The following USP15 variants were observed in gnomAD, a reference collection of about 807,000 sequenced individuals.
USP15 encodes the protein ubiquitin carboxyl-terminal hydrolase 15.
Under a neutral mutation model 127.1 loss-of-function variants are expected in USP15, and 18 were observed. The ratio of observed to expected loss-of-function variants is 0.14; its 90% confidence interval spans 0.10 to 0.21. USP15 has a LOEUF of 0.21. Among genes scored for constraint, USP15 ranks in the 10% least tolerant of loss-of-function variants. The pLI is 1.00. For synonymous variants in USP15, 364 were observed against 393.7 expected (o/e 0.92, Z 0.89); for missense variants, 805 against 1,159.9 (o/e 0.69, Z 4.44).
At chr12:62,331,135 G>A (rs945782136) in intron 6 of USP15, among the ~76,000 whole-genome samples, 3 of 152,136 alleles carry the variant, frequency 2.0e-5, no homozygotes, top group Non-Finnish European at 2.9e-5. Flanking sequence ...GAAAATGCTA[G>A]TTCTGATATA....
At chr12:62,313,222 C>T (rs2064735634) in intron 3 of USP15, among the ~76,000 whole-genome samples, 1 of 151,500 alleles carries the variant, frequency 6.6e-6, no homozygotes, top group African/African-American at 2.4e-5. Context: ...TCATAGATCT[C>T]ACAATAACTC....
rs1268540456 is a variant in USP15, at chr12:62,384,084, G to A, written c.1255G>A (p.Ala419Thr). 6.2e-7 allele frequency: 1 copy of A among 1,612,108 alleles called. No individual in the cohort carries two copies. The highest frequency in any genetic ancestry group is 8.5e-7 in the Non-Finnish European group (1 of 1,179,114). ...GTGTCTATTATCCTTGTAGGTGGTT[G>A]CCGAAGAAGCCTGGGAAAACCATTT... ...DADGRPDKVV[A>T]EEAWENHLKR... The change falls in exon 11 of 22, where the codon GCC becomes ACC. Residue 419 changes from alanine to threonine, a missense_variant. By Grantham distance (58) the Ala-to-Thr change is moderately conservative (BLOSUM62 0). Transcript: ENST00000280377.
intron 19 of USP15, among the ~76,000 whole-genome samples, chr12:62,395,645 C>T (rs1324463184): frequency 6.6e-6 from 1 of 151,620 alleles, no homozygotes; most frequent in Admixed American, 6.6e-5. Flanking sequence ...TCTCCCCTAC[C>T]TTCCCACCAC....
At chr12:62,358,122 A>G (rs1036387041) in intron 8 of USP15, among the ~76,000 whole-genome samples, 4 of 152,046 alleles carry the variant, frequency 2.6e-5, no homozygotes, top group Non-Finnish European at 5.9e-5. Context: ...TTAAGTGATC[A>G]TTTCAGCACA....
chr12:62,382,335 T>A (rs1326912442), intron 9 of USP15, among the ~76,000 whole-genome samples: 1 of 151,976 alleles, frequency 6.6e-6, no homozygotes, highest in Non-Finnish European at 1.5e-5. Context: ...CTTTGAGAAG[T>A]TTTAAACTTG....
chr12:62,269,572 C>G (rs780398574), intron 1 of USP15, among the ~76,000 whole-genome samples: 1 of 151,918 alleles, frequency 6.6e-6, no homozygotes, highest in African/African-American at 2.4e-5. Flanking sequence ...GCAAGCACCA[C>G]TGTGTCTATT....
At chr12:62,311,676 C>G (rs575274273) in intron 3 of USP15, among the ~76,000 whole-genome samples, 1 of 151,696 alleles carries the variant, frequency 6.6e-6, no homozygotes, top group South Asian at 2.1e-4. Context: ...AAAAAAGGAG[C>G]AACTAGATGT....
chr12:62,404,503 T>G lies in USP15; in HGVS notation c.*128T>G, dbSNP rs1230527582. 3 of 1,328,024 alleles carry G rather than the reference T, an allele frequency of 2.3e-6. No individual in the cohort carries two copies. Among genetic ancestry groups the G allele is most frequent in the Non-Finnish European group, 3.0e-6 (3 of 1,014,142 alleles). The allele number at this position is 1,328,024 out of a possible 1,614,324, so 82.3% of individuals were successfully genotyped here. A position where few individuals can be genotyped will look rare whatever the true frequency, so the allele number is the denominator to read the frequency against. On this transcript the variant is annotated 3_prime_UTR_variant, in exon 22 of 22. Coordinates refer to ENST00000280377, the MANE Select transcript of USP15 (RefSeq NM_001252078.2). Reference sequence around the variant, plus strand: ...TTTCAGATAACCGAATGTAAATCCTTTATCAGATTTTAACTTGTGCAGTAC... The same window carrying G: ...TTTCAGATAACCGAATGTAAATCCTGTATCAGATTTTAACTTGTGCAGTAC...
intron 9 of USP15, 104 bp from the exon 10 acceptor site, chr12:62,383,736 A>G (rs963843478): frequency 3.0e-5 from 39 of 1,288,598 alleles, no homozygotes; most frequent in Non-Finnish European, 3.6e-5. Flanking sequence ...AAAGCAGGCA[A>G]ATTCACAAAT....
chr12:62,340,090 G>A (rs964067899), intron 6 of USP15, among the ~76,000 whole-genome samples: 1 of 152,030 alleles, frequency 6.6e-6, no homozygotes, highest in Admixed American at 6.6e-5. Flanking sequence ...TCAGGGATTC[G>A]ACTTCTTCCT....
chr12:62,276,755 G>A (rs181735869), intron 1 of USP15, among the ~76,000 whole-genome samples: 12 of 152,024 alleles, frequency 7.9e-5, no homozygotes, highest in Admixed American at 7.9e-4. Context: ...CAAGACTTAC[G>A]TAAATTTTTA....
At chr12:62,365,701 C>T (rs550983897) in intron 8 of USP15, among the ~76,000 whole-genome samples, 2 of 152,258 alleles carry the variant, frequency 1.3e-5, no homozygotes, top group African/African-American at 2.4e-5. Context: ...ACATTTAAGT[C>T]TTTAATCCAT....
intron 1 of USP15, among the ~76,000 whole-genome samples, chr12:62,289,882 A>C (rs999636292): frequency 5.3e-5 from 8 of 152,082 alleles, no homozygotes; most frequent in Non-Finnish European, 8.8e-5. Context: ...ATCGTTCAGG[A>C]ACATGTTGCT....
intron 20 of USP15, 72 bp from the exon 21 acceptor site, chr12:62,401,105 TATATAGATGA>T: frequency 1.2e-6 from 1 of 840,554 alleles, no homozygotes; most frequent in Non-Finnish European, 1.9e-6. Context: ...AGATATTCCT[TATATAGATGA>T]TTATAGAGTT....
At chr12:62,315,047 T>A in intron 4 of USP15, 131 bp downstream of exon 4, 1 of 837,838 alleles carries the variant, frequency 1.2e-6, no homozygotes, top group Non-Finnish European at 1.7e-6. Context: ...CCAGCTTTGA[T>A]ACAATGTCTT....
chr12:62,271,088 C>CT (rs1260659703), intron 1 of USP15, among the ~76,000 whole-genome samples: 1 of 151,896 alleles, frequency 6.6e-6, no homozygotes, highest in African/African-American at 2.4e-5. Flanking sequence ...GATAAGTGTG[C>CT]TAATTATCAA....
rs760580424 is a variant in USP15, at chr12:62,355,408, A to G, written c.848A>G (p.Asn283Ser). 3.1e-6 allele frequency: 5 copies of G among 1,611,550 alleles called. No homozygotes were observed. The highest frequency in any genetic ancestry group is 2.2e-5 in the South Asian group (2 of 90,854). ...GATTATTCGGAACCTGGAAGAAACAATGAACAGCCAGGCCTCTGTGGCCTA... is the reference window on the plus strand; with the variant it reads ...GATTATTCGGAACCTGGAAGAAACAGTGAACAGCCAGGCCTCTGTGGCCTA... ...NYDYSEPGRN[N>S]EQPGLCGLSN... Residue 283 changes from asparagine to serine, a missense_variant, in exon 8 of 22, where the codon AAT (asparagine) becomes AGT (serine). Asn to Ser is a conservative substitution (Grantham distance 46, BLOSUM62 1). Coordinates refer to ENST00000280377, the MANE Select transcript of USP15 (RefSeq NM_001252078.2).
At chr12:62,326,704 T>G (rs2137304038) in intron 6 of USP15, among the ~76,000 whole-genome samples, 1 of 152,330 alleles carries the variant, frequency 6.6e-6, no homozygotes, top group East Asian at 1.9e-4. Context: ...GCTTTGGAAT[T>G]TCACATGTTC....
In USP15 at chr12:62,396,305, A is replaced by G; in HGVS notation, c.2581A>G (p.Met861Val). The G allele has an allele frequency of 6.3e-7, 1 of 1,579,748 alleles. No homozygotes were observed. The highest frequency in any genetic ancestry group is 8.6e-7 in the Non-Finnish European group (1 of 1,167,196). The change falls in exon 20 of 22, where the codon ATG becomes GTG. Residue 861 changes from methionine to valine, a missense_variant. By Grantham distance (21) the Met-to-Val change is conservative. Transcript: ENST00000280377. ...LVDFPINDLD[M>V]SEFLINPNAG... ...TTCTTTTTTAAACAGTGACTTGGAT[A>G]TGTCGGAATTCTTAATTAATCCAAA...
Sources: gnomAD v4.1 joint callset for allele counts (sites outside exome capture counted in the v4.1 genomes callset) on GRCh38, gnomAD v4.1.1 for gene constraint, MANE v1.5 for transcripts, NCBI Gene and HGNC (gene_info 2026-07-23, HGNC 2026-07-21) for gene names.